KCNK17: variants seen among roughly 807,000 people sequenced by gnomAD.
KCNK17 encodes potassium two pore domain channel subfamily K member 17, also known as potassium channel subfamily K member 17.
KCNK17 carries 27 observed loss-of-function variants against 24.6 expected under a neutral mutation model. The observed-to-expected ratio is 1.10, with a 90% CI of 0.81 to 1.51. The LOEUF (loss-of-function observed/expected upper bound fraction) is 1.51. Ranked by LOEUF, KCNK17 falls within the 40% of genes most tolerant of loss-of-function variation. KCNK17 has a pLI of 0.00. For missense variants in KCNK17, 450 were observed against 436.6 expected (o/e 1.03, Z -0.27); for synonymous variants, 181 against 189.8 (o/e 0.95, Z 0.38).
chr6:39,303,946 G>A lies in KCNK17; in HGVS notation c.688+11C>T. 6.2e-7 allele frequency: 1 copy of A among 1,609,910 alleles called. No individual in the cohort carries two copies. Among genetic ancestry groups the A allele is most frequent in the Non-Finnish European group, 8.5e-7 (1 of 1,179,162 alleles). On this transcript the variant is annotated intron_variant, in intron 4 of 4. Transcript: ENST00000373231. The stretch of plus-strand genomic sequence containing the variant: ...AATGTCCCCGCCAGCCCAACCGCCA[G>A]GAACTCTCACCAATCACGTAGTCGC...
In KCNK17 at chr6:39,311,018, G is replaced by C. The variant is rs72855550; in HGVS notation, c.238-11C>G. ...TGCTTGGACGACATCCTGGGGAAGA[G>C]GCTGCAATGACCACCAGGCTCTGTG... is the stretch of plus-strand genomic sequence containing the variant. On this transcript the variant is annotated splice_polypyrimidine_tract_variant and intron_variant, in intron 1 of 4. Coordinates refer to ENST00000373231, the MANE Select transcript of KCNK17 (RefSeq NM_031460.4). 166,621 of 1,569,796 alleles carry C rather than the reference G, an allele frequency of 0.11. 10,315 individuals carry two copies. Among genetic ancestry groups the C allele is most frequent in the Middle Eastern group, 0.14 (828 of 5,918 alleles).
rs1405173574 is a variant in KCNK17 at position 39,311,107 on chromosome 6, CACACACACACACAA to C, written c.238-114_238-101del. The C allele has an allele frequency of 2.3e-5, 13 of 576,324 alleles. No individual in the cohort carries two copies. In the African/African-American group the frequency reaches 2.8e-4, roughly 12 times the overall value. The allele number at this position is 576,324 out of a possible 1,614,324, so 35.7% of individuals were successfully genotyped here. On this transcript the variant is annotated intron_variant, in intron 1 of 4. Transcript: ENST00000373231. The stretch of plus-strand genomic sequence containing the variant: ...ACACACACACACACACACACACACA[CACACACACACACAA>C]ACAAACCTACACACACAGCCCTCAC...
chr6:39,311,654 T>A (rs6907218), intron 1 of KCNK17, among the ~76,000 whole-genome samples: 2,764 of 152,340 alleles, frequency 0.018, 74 homozygotes, highest in African/African-American at 0.058. Context: ...ATATTGCCTA[T>A]ATGCATTATA....
chr6:39,304,579 G>A lies in KCNK17; in HGVS notation c.429C>T (p.Leu143=), dbSNP rs1311649127. ...CIFFALVGIP[L]NLVVLNRLGH... ...CCAGTCGGTTGAGCACCACGAGGTTGAGTGGGATCCCCACAAGGGCAAAGA... is the reference window on the plus strand; with the variant it reads ...CCAGTCGGTTGAGCACCACGAGGTTAAGTGGGATCCCCACAAGGGCAAAGA... The change falls in exon 3 of 5, where the codon CTC becomes CTT. Residue 143 remains leucine (L), a synonymous_variant. Transcript: ENST00000373231. 2 of 1,614,148 alleles carry A rather than the reference G, an allele frequency of 1.2e-6. No homozygotes were observed. Among genetic ancestry groups the A allele is most frequent in the South Asian group, 1.1e-5 (1 of 91,072 alleles).
At chr6:39,309,435 G>A (rs913757480) in intron 2 of KCNK17, among the ~76,000 whole-genome samples, 6 of 152,214 alleles carry the variant, frequency 3.9e-5, no homozygotes, top group African/African-American at 1.2e-4. Flanking sequence ...AGAAGACCTC[G>A]GGTGTTTCCT....
chr6:39,299,674 A>G lies in KCNK17; in HGVS notation c.752T>C (p.Phe251Ser), dbSNP rs768903697. The G allele has an allele frequency of 4.3e-6, 7 of 1,613,950 alleles. No homozygotes were observed. Among genetic ancestry groups the G allele is most frequent in the Non-Finnish European group, 5.9e-6 (7 of 1,180,016 alleles). The change falls in exon 5 of 5, where the codon TTT becomes TCT. Residue 251 changes from phenylalanine to serine, a missense_variant. Coordinates refer to ENST00000373231, the MANE Select transcript of KCNK17 (RefSeq NM_031460.4). Reference protein sequence around the residue: ...YKNMVSLWILFGMAWLALIIK... With the variant: ...YKNMVSLWILSGMAWLALIIK... ...GATCAAGGCCAGCCATGCCATCCCAAAGAGGATCCACAGGGACACCATGTT... is the reference window on the plus strand; with the variant it reads ...GATCAAGGCCAGCCATGCCATCCCAGAGAGGATCCACAGGGACACCATGTT...
At chr6:39,301,185 T>A (rs938882454) in intron 4 of KCNK17, among the ~76,000 whole-genome samples, 2 of 152,164 alleles carry the variant, frequency 1.3e-5, no homozygotes, top group Admixed American at 1.3e-4. Context: ...CTTAGATAAA[T>A]CTTGCCAAGG....
chr6:39,306,431 G>A (rs1479153203), intron 2 of KCNK17, among the ~76,000 whole-genome samples: 1 of 152,222 alleles, frequency 6.6e-6, no homozygotes, highest in Non-Finnish European at 1.5e-5. Context: ...TGTGTTGAAT[G>A]CATAAAGAAT....
At chr6:39,304,324 C>G (rs1761997548) in intron 3 of KCNK17, 171 bp downstream of exon 3, 2 of 772,892 alleles carry the variant, frequency 2.6e-6, no homozygotes, top group Admixed American at 5.2e-5. Context: ...CCATCTCCAC[C>G]ATTAATGCCC....
chr6:39,303,455 C>A (rs1218798990), intron 4 of KCNK17, among the ~76,000 whole-genome samples: 1 of 152,236 alleles, frequency 6.6e-6, no homozygotes, highest in African/African-American at 2.4e-5. Flanking sequence ...ACTGATTAAA[C>A]CCACCCTGGG....
At chr6:39,311,737 T>C (rs1380746784) in intron 1 of KCNK17, among the ~76,000 whole-genome samples, 3 of 152,126 alleles carry the variant, frequency 2.0e-5, no homozygotes, top group Admixed American at 1.3e-4. Context: ...AGAGGCCTCA[T>C]GGAGAATGGG....
chr6:39,306,353 T>C (rs1275101478), intron 2 of KCNK17, among the ~76,000 whole-genome samples: 1 of 152,148 alleles, frequency 6.6e-6, no homozygotes, highest in Non-Finnish European at 1.5e-5. Context: ...CTGGGACTGG[T>C]TCTTAATCAC....
rs73731784 is a variant in KCNK17, at chr6:39,303,835, A to C, written c.688+122T>G. 5.7e-3 allele frequency: 6,364 copies of C among 1,122,048 alleles called. 273 individuals carry two copies. In the African/African-American group the frequency reaches 0.087, roughly 15 times the overall value. 69.5% of individuals were successfully genotyped at this position (1,122,048 alleles called of 1,614,324 possible). A position where few individuals can be genotyped will look rare whatever the true frequency, so the allele number is the denominator to read the frequency against. ...AAAGCGGGTAGGACAGTGTCTCCGG[A>C]TTTTGGGCCCAAAAGCCCCCACATG... On this transcript the variant is annotated intron_variant, in intron 4 of 4. Transcript: ENST00000373231.
chr6:39,307,198 G>A (rs563891945), intron 2 of KCNK17, among the ~76,000 whole-genome samples: 2 of 152,300 alleles, frequency 1.3e-5, no homozygotes, highest in East Asian at 1.9e-4. Flanking sequence ...GATGAAATGA[G>A]GAATGGAGGT....
rs1761912852 is a variant in KCNK17 at position 39,299,510 on chromosome 6, C to A, written c.916G>T (p.Gly306Ter). The A allele has an allele frequency of 6.2e-7, 1 of 1,614,218 alleles. No individual in the cohort carries two copies. The highest frequency in any genetic ancestry group is 8.5e-7 in the Non-Finnish European group (1 of 1,180,044). The change falls in exon 5 of 5, where the codon GGA becomes TGA. Residue 306 changes from glycine (G) to a stop codon, truncating the protein, a stop_gained. Coordinates refer to ENST00000373231, the MANE Select transcript of KCNK17 (RefSeq NM_031460.4). LOFTEE classifies it low-confidence loss of function (END_TRUNC). ...CCCATGGGTCCCTCTGGATAGCATC[C>A]TTGCTGTGGGGAGTGGGACTCTGGC... is the stretch of plus-strand genomic sequence containing the variant. The part of the protein sequence containing the change: ...REPESHSPQQ[G>*]CYPEGPMGII...
At chr6:39,313,010 C>A (rs1317648166) in intron 1 of KCNK17, among the ~76,000 whole-genome samples, 1 of 152,234 alleles carries the variant, frequency 6.6e-6, no homozygotes, top group Non-Finnish European at 1.5e-5. Flanking sequence ...TGCCACCTTC[C>A]GGGGATTGGC....
chr6:39,303,929 C>T lies in KCNK17; in HGVS notation c.688+28G>A, dbSNP rs114381088. 4,518 of 1,605,494 alleles carry T rather than the reference C, an allele frequency of 2.8e-3. 75 individuals carry two copies. The African/African-American group carries it at 0.047, about 17-fold the overall frequency. On this transcript the variant is annotated intron_variant, in intron 4 of 4. Transcript: ENST00000373231. ...AGAGGTATAGGCAGCCGAATGTCCC[C>T]GCCAGCCCAACCGCCAGGAACTCTC...
chr6:39,299,760 C>T (rs1340238395), intron 4 of KCNK17, 23 bp from the exon 5 acceptor site: 17 of 1,602,298 alleles, frequency 1.1e-5, no homozygotes, highest in South Asian at 3.4e-5. Context: ...CAAGGTCAGA[C>T]GATGGAGGCC....
intron 1 of KCNK17, among the ~76,000 whole-genome samples, chr6:39,312,969 C>G (rs1423841163): frequency 7.2e-5 from 11 of 152,250 alleles, no homozygotes; most frequent in Admixed American, 7.2e-4. Context: ...CCGCTCCGCG[C>G]TGGGTCCCTT....
Sources: gnomAD v4.1 joint callset for allele counts (sites outside exome capture counted in the v4.1 genomes callset) on GRCh38, gnomAD v4.1.1 for gene constraint, MANE v1.5 for transcripts, NCBI Gene and HGNC (gene_info 2026-07-23, HGNC 2026-07-21) for gene names.